MTHFD1L: variants seen among roughly 807,000 people sequenced by gnomAD.
MTHFD1L encodes the protein methylenetetrahydrofolate dehydrogenase (NADP+ dependent) 1 like.
A neutral mutation model predicts 119.5 loss-of-function variants in MTHFD1L; 81 were observed. The ratio of observed to expected loss-of-function variants is 0.68; its 90% CI spans 0.57 to 0.82. MTHFD1L has a LOEUF of 0.82. MTHFD1L is among the 40% of genes least tolerant of loss of function. The probability of loss-of-function intolerance (pLI) is 0.00; values close to 1 mark genes in which losing one functional copy is unlikely to be tolerated. For synonymous variants in MTHFD1L, 430 were observed against 475.2 expected, an observed-to-expected ratio of 0.90 and a Z score of 1.24; for missense variants, 1,125 against 1,253.4, an observed-to-expected ratio of 0.90 and a Z score of 1.55.
intron 26 of MTHFD1L, among the ~76,000 whole-genome samples, chr6:151,086,577 T>G (rs1361237092): frequency 6.6e-6 from 1 of 152,166 alleles, no homozygotes; most frequent in Non-Finnish European, 1.5e-5. Context: ...TTGCTCAGGC[T>G]GGAGTACAGT....
intron 20 of MTHFD1L, among the ~76,000 whole-genome samples, chr6:150,986,267 A>G (rs1404796172): frequency 6.6e-6 from 1 of 152,206 alleles, no homozygotes; most frequent in Non-Finnish European, 1.5e-5. Flanking sequence ...TTGCTTTACA[A>G]CCAGTCTTAT....
intron 26 of MTHFD1L, among the ~76,000 whole-genome samples, chr6:151,052,499 G>C (rs1789215774): frequency 6.6e-6 from 1 of 152,184 alleles, no homozygotes; most frequent in African/African-American, 2.4e-5. Context: ...CTCTACCCAG[G>C]AGTGCCCTGA....
At chr6:150,945,405 A>T in intron 14 of MTHFD1L, 62 bp from the exon 15 acceptor site, 1 of 1,346,808 alleles carries the variant, frequency 7.4e-7, no homozygotes, top group African/African-American at 1.5e-5. Context: ...ATATCCTGTG[A>T]ATTGTCCAAG....
At chr6:150,905,006 A>G (rs990762835) in intron 7 of MTHFD1L, among the ~76,000 whole-genome samples, 8 of 150,722 alleles carry the variant, frequency 5.3e-5, no homozygotes, top group Non-Finnish European at 8.8e-5. Flanking sequence ...TGTGTGAGCC[A>G]GACCTCATGG....
chr6:150,922,586 T>C (rs1258141828), intron 10 of MTHFD1L, among the ~76,000 whole-genome samples: 2 of 151,970 alleles, frequency 1.3e-5, no homozygotes, highest in African/African-American at 4.8e-5. Flanking sequence ...AAAATTAATT[T>C]ATATTAATTT....
chr6:150,932,927 C>T (rs1166899488), intron 11 of MTHFD1L, among the ~76,000 whole-genome samples: 1 of 151,916 alleles, frequency 6.6e-6, no homozygotes, highest in Non-Finnish European at 1.5e-5. Context: ...ATTAGATTAC[C>T]TTGGTGCTCA....
At position 150,865,797 on chromosome 6, in the gene MTHFD1L, C is replaced by G; in HGVS notation, c.-26C>G. The G allele has an allele frequency of 2.3e-6, 3 of 1,291,054 alleles. No homozygotes were observed. Among genetic ancestry groups the G allele is most frequent in the South Asian group, 1.7e-5 (1 of 58,598 alleles). 80.0% of individuals were successfully genotyped at this position (1,291,054 alleles called of 1,614,324 possible). On this transcript the variant is annotated 5_prime_UTR_variant, in exon 1 of 28. Transcript: ENST00000367321. Reference sequence around the variant, plus strand: ...GCCCTCGGCAGCCGCAGCTCCGTGTCCCCTGAGAACCAGCCGTCCCGCGCC... The same window carrying G: ...GCCCTCGGCAGCCGCAGCTCCGTGTGCCCTGAGAACCAGCCGTCCCGCGCC...
intron 7 of MTHFD1L, among the ~76,000 whole-genome samples, chr6:150,891,399 A>G (rs1446201279): frequency 1.3e-5 from 2 of 148,188 alleles, no homozygotes; most frequent in African/African-American, 2.5e-5. Flanking sequence ...ATATATATAT[A>G]TGTAATCTAA....
chr6:151,058,814 C>T (rs1790294653), intron 26 of MTHFD1L, among the ~76,000 whole-genome samples: 1 of 152,216 alleles, frequency 6.6e-6, no homozygotes, highest in Non-Finnish European at 1.5e-5. Context: ...ATCAGTATTA[C>T]AGGCATGTGC....
At position 150,926,101 on chromosome 6, in the gene MTHFD1L, T is replaced by C. The variant is rs765840777; in HGVS notation, c.1083-21T>C. On this transcript the variant is annotated intron_variant, in intron 10 of 27. Transcript: ENST00000367321. The surrounding 1 kb of genome is among the most constrained non-coding windows in gnomAD (Gnocchi z 4.3). Reference sequence around the variant, plus strand: ...TAAGCTGAGAAGCCTTTTCTCTCTTTCGTATTGTCTTTCCCCTCAGTGACA... The same window carrying C: ...TAAGCTGAGAAGCCTTTTCTCTCTTCCGTATTGTCTTTCCCCTCAGTGACA... 24 of 1,602,470 alleles carry C rather than the reference T, an allele frequency of 1.5e-5. No individual in the cohort carries two copies. The highest frequency in any genetic ancestry group is 2.0e-5 in the Non-Finnish European group (24 of 1,172,068).
At chr6:150,969,104 C>A (rs970179493) in intron 19 of MTHFD1L, among the ~76,000 whole-genome samples, 1 of 151,972 alleles carries the variant, frequency 6.6e-6, no homozygotes, top group African/African-American at 2.4e-5. Context: ...ACCTCGGCCT[C>A]CCAAAGTGCT....
intron 11 of MTHFD1L, among the ~76,000 whole-genome samples, chr6:150,928,782 G>T (rs1790493358): frequency 6.6e-6 from 1 of 151,946 alleles, no homozygotes; most frequent in South Asian, 2.1e-4. Flanking sequence ...GGCCTCAAGT[G>T]GTCCGCCCGC....
Position 151,045,234 on chromosome 6 carries a change from AC to A in MTHFD1L, c.2847+8118del, listed in dbSNP as rs765862114. Among the ~76,000 whole-genome samples, 66 of 152,294 alleles carry A rather than the reference AC, an allele frequency of 4.3e-4. No homozygotes were observed. In the South Asian group the frequency reaches 4.4e-3, roughly 10 times the overall value. ...GAGATTTACGGCCAGTTACAATGAGACAATTAAACATTCACCCCCCCGCCAA... is the reference window on the plus strand; with the variant it reads ...GAGATTTACGGCCAGTTACAATGAGAAATTAAACATTCACCCCCCCGCCAA... On this transcript the variant is annotated intron_variant, in intron 26 of 27. Transcript: ENST00000367321.
intron 1 of MTHFD1L, among the ~76,000 whole-genome samples, chr6:150,872,745 G>A (rs11753070): frequency 0.042 from 6,346 of 151,866 alleles, 168 homozygotes; most frequent in Non-Finnish European, 0.064. Flanking sequence ...GAAAAACACA[G>A]TATCTGTAAA....
At chr6:150,920,939 ATTTTTTTT>A (rs869169480) in intron 9 of MTHFD1L, among the ~76,000 whole-genome samples, 9,490 of 96,884 alleles carry the variant, frequency 0.098, 934 homozygotes, top group African/African-American at 0.19. Context: ...CACCCAGATA[ATTTTTTTT>A]TTTTTTTTTT....
intron 27 of MTHFD1L, among the ~76,000 whole-genome samples, chr6:151,096,696 G>A (rs1225623119): frequency 1.3e-5 from 2 of 152,202 alleles, no homozygotes; most frequent in Admixed American, 6.5e-5. Flanking sequence ...TGCATACCCA[G>A]GTGCGGAGCA....
intron 27 of MTHFD1L, chr6:151,099,428 G>T: frequency 2.5e-6 from 2 of 815,162 alleles, no homozygotes; most frequent in South Asian, 1.4e-5. Context: ...CTACAGTGAG[G>T]CTGGCCGTGT....
intron 26 of MTHFD1L, among the ~76,000 whole-genome samples, chr6:151,051,307 TG>T (rs2128577804): frequency 6.6e-6 from 1 of 152,330 alleles, no homozygotes; most frequent in Non-Finnish European, 1.5e-5. Flanking sequence ...GTGTGGAAGC[TG>T]CTTGACCACA....
intron 26 of MTHFD1L, among the ~76,000 whole-genome samples, chr6:151,078,594 G>T (rs1792815305): frequency 6.6e-6 from 1 of 152,080 alleles, no homozygotes; most frequent in Non-Finnish European, 1.5e-5. Context: ...TGGGACTGAG[G>T]GCCCAGCTTT....
Sources: allele counts gnomAD v4.1 joint callset (sites outside exome capture counted in the v4.1 genomes callset), GRCh38; gene constraint gnomAD v4.1.1; non-coding constraint Gnocchi (gnomAD v3.1); transcripts MANE v1.5; gene names NCBI Gene and HGNC (gene_info 2026-07-23, HGNC 2026-07-21).